CDH19: variants seen among roughly 807,000 people sequenced by gnomAD.
CDH19 encodes the protein cadherin-19.
Under a neutral mutation model 64.2 loss-of-function variants are expected in CDH19, and 67 were observed. The observed-to-expected ratio is 1.04, with a 90% confidence interval of 0.86 to 1.28. The LOEUF is 1.28. Ranked by LOEUF, CDH19 falls within the 50% of genes most tolerant of loss-of-function variation. The pLI, the probability that CDH19 is intolerant of heterozygous loss-of-function variation, is 0.00. For synonymous variants in CDH19, 346 were observed against 319.3 expected, an observed-to-expected ratio of 1.08 and a Z score of -0.89; for missense variants, 1,030 against 929.0, an observed-to-expected ratio of 1.11 and a Z score of -1.41.
At chr18:66,540,205 A>T (rs1986835052) in intron 7 of CDH19, among the ~76,000 whole-genome samples, 1 of 151,992 alleles carries the variant, frequency 6.6e-6, no homozygotes, top group South Asian at 2.1e-4. Context: ...ACTGCTTGTG[A>T]TCTAATCTTT....
Position 66,504,858 on chromosome 18 carries a change from T to C in CDH19, c.2273A>G (p.Lys758Arg). 6.2e-7 allele frequency: 1 copy of C among 1,610,454 alleles called. No individual in the cohort carries two copies. The highest frequency in any genetic ancestry group is 8.5e-7 in the Non-Finnish European group (1 of 1,177,214). ...DYLNELGPRF[K>R]RLACMFGSAV... ...AGAACCAAACATGCATGCTAATCTT[T>C]TAAAGCGAGGTCCCAACTCATTAAG... The change falls in exon 12 of 12, where the codon AAA becomes AGA. Residue 758 changes from lysine (K) to arginine (R), a missense_variant. Lys to Arg is a conservative substitution (Grantham distance 26). Transcript: ENST00000262150.
At chr18:66,548,913 T>C (rs1599005273) in intron 5 of CDH19, among the ~76,000 whole-genome samples, 1 of 152,272 alleles carries the variant, frequency 6.6e-6, no homozygotes, top group Admixed American at 6.5e-5. Context: ...ATGTGATAGA[T>C]ATGAACCAGC....
chr18:66,511,550 A>G lies in CDH19; in HGVS notation c.1576+18T>C. Reference sequence around the variant, plus strand: ...TCACAAAAATGTATCAAAACTCATTATGAGTGAATGACATTACCTTGATTA... The same window carrying G: ...TCACAAAAATGTATCAAAACTCATTGTGAGTGAATGACATTACCTTGATTA... On this transcript the variant is annotated intron_variant, in intron 10 of 11. Transcript: ENST00000262150. 9.9e-7 allele frequency: 1 copy of G among 1,012,474 alleles called. No individual in the cohort carries two copies. The highest frequency in any genetic ancestry group is 2.4e-5 in the East Asian group (1 of 41,708). The allele number at this position is 1,012,474 out of a possible 1,614,324, so 62.7% of individuals were successfully genotyped here. A position where few individuals can be genotyped will look rare whatever the true frequency, so the allele number is the denominator to read the frequency against.
In CDH19 at chr18:66,544,711, A is replaced by T. The variant is rs776404588; in HGVS notation, c.960+8T>A. ...ATTCTGCAAGGCAAATAATTTTAAC[A>T]TGTCTACCTTTTTTAATATAACTAT... On this transcript the variant is annotated splice_region_variant and intron_variant, in intron 6 of 11. Coordinates refer to ENST00000262150, the MANE Select transcript of CDH19 (RefSeq NM_021153.4). 1.3e-6 allele frequency: 2 copies of T among 1,575,384 alleles called. No homozygotes were observed. Among genetic ancestry groups the T allele is most frequent in the African/African-American group, 1.4e-5 (1 of 73,962 alleles).
rs761672965 is a variant in CDH19, at chr18:66,572,254, G to A, written c.-50C>T. 10 of 1,414,106 alleles carry A rather than the reference G, an allele frequency of 7.1e-6. No individual in the cohort carries two copies. The highest frequency in any genetic ancestry group is 1.9e-4 in the Middle Eastern group (1 of 5,130). The allele number at this position is 1,414,106 out of a possible 1,614,324, so 87.6% of individuals were successfully genotyped here. A position where few individuals can be genotyped will look rare whatever the true frequency, so the allele number is the denominator to read the frequency against. The stretch of plus-strand genomic sequence containing the variant: ...TATTACTCTTCAGAGGAAACAGGAC[G>A]TCACTAACAAAAATCTTGCTTTCTT... On this transcript the variant is annotated 5_prime_UTR_variant, in exon 2 of 12. In the 5' UTR this introduces an upstream ATG that the reference lacks. Coordinates refer to ENST00000262150, the MANE Select transcript of CDH19 (RefSeq NM_021153.4).
intron 1 of CDH19, among the ~76,000 whole-genome samples, chr18:66,587,612 T>G (rs946135319): frequency 1.7e-4 from 26 of 152,158 alleles, no homozygotes; most frequent in African/African-American, 6.3e-4. Flanking sequence ...GTAAAAGTGA[T>G]GTACACCATT....
intron 2 of CDH19, among the ~76,000 whole-genome samples, chr18:66,570,524 A>T (rs981679675): frequency 4.0e-5 from 6 of 151,736 alleles, no homozygotes; most frequent in Non-Finnish European, 5.9e-5. Context: ...CCCAATCTTA[A>T]TCATTTTTCA....
Position 66,526,456 on chromosome 18 carries a change from C to G in CDH19, c.1458+3389G>C, listed in dbSNP as rs780874921. ...ATTAGCATTTGAGTTTCCTTTGGAT[C>G]AGTTCTACCTGTTTGTAGATAATGG... On this transcript the variant is annotated intron_variant, in intron 9 of 11. Coordinates refer to ENST00000262150, the MANE Select transcript of CDH19 (RefSeq NM_021153.4). Among the ~76,000 whole-genome samples, 7 of 152,002 alleles carry G rather than the reference C, an allele frequency of 4.6e-5. No homozygotes were observed. The East Asian group carries it at 1.2e-3, about 25-fold the overall frequency.
At position 66,541,925 on chromosome 18, in the gene CDH19, C is replaced by T. The variant is rs372776208; in HGVS notation, c.1214+2046G>A. Among the ~76,000 whole-genome samples, 9 of 152,176 alleles carry T rather than the reference C, an allele frequency of 5.9e-5. No homozygotes were observed. In the South Asian group the frequency reaches 1.5e-3, roughly 25 times the overall value. On this transcript the variant is annotated intron_variant, in intron 7 of 11. Coordinates refer to ENST00000262150, the MANE Select transcript of CDH19 (RefSeq NM_021153.4). ...ATGTAGCATTTTCACATGTAGTAAG[C>T]ATGCAATTCTTCATTGTGTATTATT...
intron 1 of CDH19, among the ~76,000 whole-genome samples, chr18:66,592,677 G>T (rs1988778115): frequency 6.6e-6 from 1 of 151,814 alleles, no homozygotes; most frequent in Non-Finnish European, 1.5e-5. Context: ...TTAAAGTAAT[G>T]CAGTCCAGGT....
intron 11 of CDH19, 88 bp from the exon 12 acceptor site, chr18:66,505,390 G>A: frequency 1.1e-5 from 11 of 1,024,044 alleles, no homozygotes; most frequent in East Asian, 2.6e-5. Flanking sequence ...AGCTCAAGAT[G>A]AGTGCTTAAA....
intron 1 of CDH19, among the ~76,000 whole-genome samples, chr18:66,575,463 C>T (rs2144589859): frequency 6.6e-6 from 1 of 151,962 alleles, no homozygotes; most frequent in South Asian, 2.1e-4. Flanking sequence ...TTGACTGCAA[C>T]TCCCTTCAGA....
At chr18:66,526,988 C>T (rs1210725154) in intron 9 of CDH19, among the ~76,000 whole-genome samples, 1 of 150,944 alleles carries the variant, frequency 6.6e-6, no homozygotes, top group Non-Finnish European at 1.5e-5. Context: ...ATTTCAAAAT[C>T]AGGGATAGTT....
chr18:66,578,623 G>A (rs1988334954), intron 1 of CDH19, among the ~76,000 whole-genome samples: 1 of 151,630 alleles, frequency 6.6e-6, no homozygotes, highest in Non-Finnish European at 1.5e-5. Flanking sequence ...CTAGATATTA[G>A]CTAGATATCA....
intron 9 of CDH19, among the ~76,000 whole-genome samples, chr18:66,520,834 G>T (rs1053929276): frequency 4.6e-5 from 7 of 151,956 alleles, no homozygotes; most frequent in African/African-American, 1.4e-4. Flanking sequence ...AGAAAACGTT[G>T]CTCCTGTAGG....
intron 1 of CDH19, among the ~76,000 whole-genome samples, chr18:66,582,335 A>C (rs1290218300): frequency 6.6e-6 from 1 of 151,988 alleles, no homozygotes; most frequent in African/African-American, 2.4e-5. Context: ...TAGAAACTTA[A>C]TCCTGTTTGT....
chr18:66,592,003 G>C (rs546917174), intron 1 of CDH19, among the ~76,000 whole-genome samples: 11 of 151,752 alleles, frequency 7.2e-5, no homozygotes, highest in Admixed American at 2.0e-4. Context: ...CCACCTAATC[G>C]TTATGTTCCT....
chr18:66,520,340 TG>T (rs147604311), intron 9 of CDH19, among the ~76,000 whole-genome samples: 2,397 of 117,436 alleles, frequency 0.02, 44 homozygotes, highest in Middle Eastern at 0.041. Flanking sequence ...AGAAAATAGC[TG>T]TTTTTTTTTT....
chr18:66,532,811 C>T (rs1033123636), intron 8 of CDH19: 5 of 425,846 alleles, frequency 1.2e-5, no homozygotes, highest in African/African-American at 1.0e-4. Context: ...TTAAGTTGTC[C>T]TTTGGATAAA....
Sources: gnomAD v4.1 joint callset for allele counts (sites outside exome capture counted in the v4.1 genomes callset) on GRCh38, gnomAD v4.1.1 for gene constraint, MANE v1.5 for transcripts, NCBI Gene and HGNC (gene_info 2026-07-23, HGNC 2026-07-21) for gene names.